The following LAMTOR3 variants were observed in gnomAD, a reference collection of about 807,000 sequenced individuals.
LAMTOR3 encodes the protein ragulator complex protein LAMTOR3.
In LAMTOR3, 14 loss-of-function variants were observed where a neutral mutation model predicts 20.3. The observed-to-expected ratio is 0.69, with a 90% confidence interval of 0.46 to 1.08. The LOEUF (loss-of-function observed/expected upper bound fraction) is 1.08. Among genes scored for constraint, LAMTOR3 ranks in the 50% least tolerant of loss-of-function variants. The pLI, the probability that LAMTOR3 is intolerant of heterozygous loss-of-function variation, is 0.00. For missense variants in LAMTOR3, 125 were observed against 143.7 expected, an observed-to-expected ratio of 0.87 and a Z score of 0.67; for synonymous variants, 40 against 49.4, an observed-to-expected ratio of 0.81 and a Z score of 0.80.
At chr4:99,884,440 T>G (rs886961014) in intron 5 of LAMTOR3, among the ~76,000 whole-genome samples, 1 of 152,206 alleles carries the variant, frequency 6.6e-6, no homozygotes, top group Non-Finnish European at 1.5e-5. Flanking sequence ...AAATAGTTGA[T>G]AATTAAATGG....
At chr4:99,882,250 G>GT (rs1724841726) in intron 6 of LAMTOR3, among the ~76,000 whole-genome samples, 183 bp from the exon 7 acceptor site, 1 of 152,116 alleles carries the variant, frequency 6.6e-6, no homozygotes, top group Non-Finnish European at 1.5e-5. Flanking sequence ...TATCAGAAGT[G>GT]TTTTGAATTC....
intron 5 of LAMTOR3, 47 bp from the exon 6 acceptor site, chr4:99,884,172 T>C: frequency 7.1e-7 from 1 of 1,401,594 alleles, no homozygotes. Flanking sequence ...TATGAAAAGG[T>C]AGTATAACTA....
intron 2 of LAMTOR3, among the ~76,000 whole-genome samples, chr4:99,893,476 C>T (rs1725063884): frequency 6.6e-6 from 1 of 152,090 alleles, no homozygotes; most frequent in Non-Finnish European, 1.5e-5. Context: ...TCCTCCTACA[C>T]ACACACACAC....
At chr4:99,887,153 A>C in intron 4 of LAMTOR3, 143 bp downstream of exon 4, 1 of 473,080 alleles carries the variant, frequency 2.1e-6, no homozygotes, top group Non-Finnish European at 3.8e-6. Context: ...ATACAAAAGC[A>C]AACACTTTCC....
At chr4:99,893,142 T>C (rs1167327564) in intron 2 of LAMTOR3, among the ~76,000 whole-genome samples, 1 of 152,190 alleles carries the variant, frequency 6.6e-6, no homozygotes, top group African/African-American at 2.4e-5. Flanking sequence ...ACTTCCAGCA[T>C]AGCTGTGACT....
At chr4:99,887,800 A>G (rs1446646024) in intron 3 of LAMTOR3, among the ~76,000 whole-genome samples, 2 of 152,242 alleles carry the variant, frequency 1.3e-5, no homozygotes, top group South Asian at 4.1e-4. Context: ...ATGGCTTCCA[A>G]TGTAAAAAGT....
chr4:99,880,008 CCTCG>C lies in LAMTOR3; in HGVS notation c.*1982_*1985del, dbSNP rs1724794737. On this transcript the variant is annotated 3_prime_UTR_variant, in exon 7 of 7. Transcript: ENST00000499666. Reference sequence around the variant, plus strand: ...TGGTATAGCCTGCTGTTCTGACCACCCTCGTATGTGGTCCTTCACTAACTGAAAC... The same window carrying C: ...TGGTATAGCCTGCTGTTCTGACCACCTATGTGGTCCTTCACTAACTGAAAC... 6.6e-6 allele frequency: 1 copy of C among 152,028 alleles called. No individual in the cohort carries two copies. The allele number at this position is 152,028 out of a possible 1,614,324, so 9.4% of individuals were successfully genotyped here.
At chr4:99,891,070 T>C (rs1026041471) in intron 3 of LAMTOR3, among the ~76,000 whole-genome samples, 1 of 152,218 alleles carries the variant, frequency 6.6e-6, no homozygotes, top group African/African-American at 2.4e-5. Context: ...GGTCGGTTTA[T>C]AACTTAAGAA....
chr4:99,894,396 G>A lies in LAMTOR3; in HGVS notation c.-99C>T, dbSNP rs897637992. 1.2e-5 allele frequency: 2 copies of A among 162,698 alleles called. No homozygotes were observed. Among genetic ancestry groups the A allele is most frequent in the East Asian group, 1.7e-4 (1 of 5,962 alleles). The allele number at this position is 162,698 out of a possible 1,614,324, so 10.1% of individuals were successfully genotyped here. On this transcript the variant is annotated 5_prime_UTR_variant, in exon 1 of 7. Transcript: ENST00000499666. ...ACTTCAGGGACAGCTTTAAAGACAG[G>A]TTCCTCCTCAAGCCACCGTCACATG...
chr4:99,894,145 C>T, intron 1 of LAMTOR3, 145 bp from the exon 2 acceptor site: 1 of 473,518 alleles, frequency 2.1e-6, no homozygotes, highest in East Asian at 3.2e-5. Context: ...CAGTGGGAGT[C>T]GGAGTGCCCC....
At position 99,879,841 on chromosome 4, in the gene LAMTOR3, C is replaced by T. The variant is rs1235437423; in HGVS notation, c.*2153G>A. On this transcript the variant is annotated 3_prime_UTR_variant, in exon 7 of 7. Transcript: ENST00000499666. ...CTATATGGTATAGCCTACTACTATA[C>T]ACCTAGGCTATATGGTATAGCCTAC... 2.0e-5 allele frequency: 3 copies of T among 150,730 alleles called. No individual in the cohort carries two copies. The highest frequency in any genetic ancestry group is 3.4e-3 in the Middle Eastern group (1 of 292). The allele number at this position is 150,730 out of a possible 1,614,324, so 9.3% of individuals were successfully genotyped here.
intron 4 of LAMTOR3, among the ~76,000 whole-genome samples, chr4:99,886,176 C>T (rs1724923008): frequency 6.6e-6 from 1 of 152,148 alleles, no homozygotes; most frequent in Non-Finnish European, 1.5e-5. Context: ...AAGGCTTTAA[C>T]ACAGAGATCC....
In LAMTOR3 at chr4:99,880,362, G is replaced by C. The variant is rs1287624011; in HGVS notation, c.*1632C>G. On this transcript the variant is annotated 3_prime_UTR_variant, in exon 7 of 7. Transcript: ENST00000499666. ...AATCCTAGCATTTTGGGAGGCCAAA[G>C]CAGGTGGATCACTTTAAGTCAGGAG... The C allele has an allele frequency of 6.6e-6, 1 of 152,130 alleles. No homozygotes were observed. The highest frequency in any genetic ancestry group is 6.5e-5 in the Admixed American group (1 of 15,274). The allele number at this position is 152,130 out of a possible 1,614,324, so 9.4% of individuals were successfully genotyped here.
At chr4:99,890,415 C>G (rs1725001541) in intron 3 of LAMTOR3, among the ~76,000 whole-genome samples, 1 of 152,176 alleles carries the variant, frequency 6.6e-6, no homozygotes, top group Admixed American at 6.6e-5. Context: ...CTGAGAGGCA[C>G]TGAGGTACAA....
intron 6 of LAMTOR3, 117 bp downstream of exon 6, chr4:99,883,944 GC>G: frequency 1.5e-6 from 1 of 684,636 alleles, no homozygotes; most frequent in Non-Finnish European, 2.5e-6. Context: ...GTGAAACTGG[GC>G]CACAAGTTCA....
At chr4:99,893,278 T>G (rs969127542) in intron 2 of LAMTOR3, among the ~76,000 whole-genome samples, 3 of 152,168 alleles carry the variant, frequency 2.0e-5, no homozygotes, top group Non-Finnish European at 4.4e-5. Context: ...CCTCCCAAAG[T>G]GCTGAGATTA....
At chr4:99,893,555 A>C (rs1725065177) in intron 2 of LAMTOR3, among the ~76,000 whole-genome samples, 1 of 152,182 alleles carries the variant, frequency 6.6e-6, no homozygotes, top group Non-Finnish European at 1.5e-5. Context: ...AAACCAAATG[A>C]GATATTGTTA....
At position 99,890,162 on chromosome 4, in the gene LAMTOR3, C is replaced by T. The variant is rs1422781924; in HGVS notation, c.44+1838G>A. Among the ~76,000 whole-genome samples, 3 of 152,264 alleles carry T rather than the reference C, an allele frequency of 2.0e-5. No homozygotes were observed. The East Asian group carries it at 5.8e-4, about 29-fold the overall frequency. On this transcript the variant is annotated intron_variant, in intron 3 of 6. Coordinates refer to ENST00000499666, the MANE Select transcript of LAMTOR3 (RefSeq NM_021970.4). ...CTAAACCTTAAGCTTACTAAAACAA[C>T]CATTTTTTTCTAAAAACAAATGTTG...
intron 5 of LAMTOR3, 110 bp downstream of exon 5, chr4:99,885,432 A>G: frequency 1.1e-6 from 1 of 897,480 alleles, no homozygotes; most frequent in Non-Finnish European, 1.6e-6. Context: ...TTACAATTTC[A>G]TCCTCTTCAA....
Sources: gnomAD v4.1 joint callset for allele counts (sites outside exome capture counted in the v4.1 genomes callset) on GRCh38, gnomAD v4.1.1 for gene constraint, MANE v1.5 for transcripts, NCBI Gene and HGNC (gene_info 2026-07-23, HGNC 2026-07-21) for gene names.